BTBD7: variants seen among roughly 807,000 people sequenced by gnomAD.
BTBD7 encodes BTB/POZ domain-containing protein 7.
BTBD7 carries 38 observed loss-of-function variants against 99.9 expected under a neutral mutation model. The ratio of observed to expected loss-of-function variants is 0.38; its 90% CI spans 0.29 to 0.50. BTBD7 has a LOEUF of 0.50. BTBD7 is among the 20% of genes least tolerant of loss of function. BTBD7 has a pLI of 0.93. For synonymous variants in BTBD7, 520 were observed against 511.4 expected (o/e 1.02, Z -0.23); for missense variants, 1,170 against 1,394.6 (o/e 0.84, Z 2.57).
intron 6 of BTBD7, 59 bp from the exon 7 acceptor site, chr14:93,253,849 T>C: frequency 1.4e-6 from 1 of 712,550 alleles, no homozygotes. Context: ...ACTACTAAGA[T>C]AAATAAAAAT....
intron 1 of BTBD7, among the ~76,000 whole-genome samples, chr14:93,315,951 C>CTTT (rs35850952): frequency 8.0e-6 from 1 of 124,882 alleles, no homozygotes; most frequent in Non-Finnish European, 1.7e-5. Context: ...CAAAATGTAT[C>CTTT]TTTTTTTTTT....
At chr14:93,278,308 G>A (rs1334543558) in intron 3 of BTBD7, among the ~76,000 whole-genome samples, 2 of 152,172 alleles carry the variant, frequency 1.3e-5, no homozygotes, top group African/African-American at 4.8e-5. Context: ...CAGCTACTTG[G>A]GAAGCTGAGG....
chr14:93,263,483 T>C (rs1412618370), intron 4 of BTBD7, among the ~76,000 whole-genome samples: 2 of 152,228 alleles, frequency 1.3e-5, no homozygotes, highest in Admixed American at 6.5e-5. Flanking sequence ...GCTACATTAA[T>C]AGAAGTCAAG....
intron 3 of BTBD7, among the ~76,000 whole-genome samples, chr14:93,284,706 G>C (rs1418220123): frequency 6.6e-6 from 1 of 152,064 alleles, no homozygotes; most frequent in Admixed American, 6.6e-5. Context: ...AATAAAAAGT[G>C]TTTTAGAAAT....
At chr14:93,249,304 G>A (rs1338356591) in intron 8 of BTBD7, among the ~76,000 whole-genome samples, 1 of 133,006 alleles carries the variant, frequency 7.5e-6, no homozygotes, top group Non-Finnish European at 1.5e-5. Context: ...TGTCTCAGCA[G>A]AAGGACTGGG....
Position 93,242,495 on chromosome 14 carries a change from T to A in BTBD7, c.3177A>T (p.Ala1059=). The part of the protein sequence containing the change: ...TGPAHVRGRT[A]VETDLTFGLT... Reference sequence around the variant, plus strand: ...GCCCAAAAGTCAAGTCAGTTTCTACTGCAGTTCGTCCCCTGACATGGGCTG... The same window carrying A: ...GCCCAAAAGTCAAGTCAGTTTCTACAGCAGTTCGTCCCCTGACATGGGCTG... Residue 1059 remains alanine, a synonymous_variant, in exon 11 of 11, where the codon GCA becomes GCT. Transcript: ENST00000334746. 6.2e-7 allele frequency: 1 copy of A among 1,614,234 alleles called. No homozygotes were observed. The highest frequency in any genetic ancestry group is 1.3e-5 in the African/African-American group (1 of 75,070).
Position 93,242,858 on chromosome 14 carries a change from A to G in BTBD7, c.2814T>C (p.Asn938=). The change falls in exon 11 of 11, where the codon AAT becomes AAC. Residue 938 remains asparagine, a synonymous_variant. Coordinates refer to ENST00000334746, the MANE Select transcript of BTBD7 (RefSeq NM_001002860.4). ...TLEQKTDTRE[N]PQEYPDFYDF... ...CATAGAAATCCGGATATTCCTGTGG[A>G]TTTTCTCTGGTGTCTGTTTTTTGCT... 2 of 1,613,800 alleles carry G rather than the reference A, an allele frequency of 1.2e-6. No homozygotes were observed. The highest frequency in any genetic ancestry group is 2.2e-5 in the South Asian group (2 of 91,072).
intron 10 of BTBD7, 139 bp downstream of exon 10, chr14:93,245,686 C>T: frequency 7.0e-7 from 1 of 1,435,430 alleles, no homozygotes; most frequent in South Asian, 1.4e-5. Flanking sequence ...CTTTTCCATA[C>T]CCCTCAAGTC....
intron 10 of BTBD7, chr14:93,244,349 G>C (rs965998896): frequency 9.8e-6 from 2 of 203,150 alleles, no homozygotes; most frequent in South Asian, 6.9e-5. Flanking sequence ...TCACGGTAAA[G>C]ATAATAAAAT....
rs2052957504 is a variant in BTBD7, at chr14:93,298,625, C to G, written c.-106-2468G>C. On this transcript the variant is annotated intron_variant, in intron 1 of 10. Transcript: ENST00000334746. ...GAAACACTTCTGGTTCCAAGCATTT[C>G]AGATAAGGAATACTCAACGTGTATT... Among the ~76,000 whole-genome samples the G allele has an allele frequency of 3.9e-5, 6 of 151,904 alleles. No individual in the cohort carries two copies. The South Asian group carries it at 1.2e-3, about 32-fold the overall frequency.
chr14:93,316,286 G>C (rs2053205957), intron 1 of BTBD7, among the ~76,000 whole-genome samples: 2 of 149,228 alleles, frequency 1.3e-5, no homozygotes, highest in South Asian at 2.1e-4. Context: ...AAAAAATAGA[G>C]ACAGTCTCAC....
At chr14:93,272,189 G>A (rs2052608151) in intron 3 of BTBD7, among the ~76,000 whole-genome samples, 1 of 152,122 alleles carries the variant, frequency 6.6e-6, no homozygotes, top group Admixed American at 6.5e-5. Context: ...GGTTGAGGCA[G>A]GAGAATCGCT....
At chr14:93,329,682 T>C (rs568653849) in intron 1 of BTBD7, among the ~76,000 whole-genome samples, 1 of 152,334 alleles carries the variant, frequency 6.6e-6, no homozygotes, top group Non-Finnish European at 1.5e-5. Context: ...CTAAGTGAAA[T>C]AAGCCAGATA....
At chr14:93,315,691 G>A (rs550425813) in intron 1 of BTBD7, among the ~76,000 whole-genome samples, 1 of 152,168 alleles carries the variant, frequency 6.6e-6, no homozygotes, top group South Asian at 2.1e-4. Flanking sequence ...TTTCACTTTA[G>A]CATGATGTTT....
intron 3 of BTBD7, among the ~76,000 whole-genome samples, chr14:93,272,796 G>A (rs927389570): frequency 2.0e-5 from 3 of 152,146 alleles, no homozygotes. Flanking sequence ...CTTAGATGCT[G>A]TGACTCTGAG....
chr14:93,242,656 T>C lies in BTBD7; in HGVS notation c.3016A>G (p.Arg1006Gly). ...QTSPKKQEEA[R>G]REYPLSPDGH... ...TCAGGGGAAAGTGGATATTCTCTCC[T>C]AGCTTCTTCCTGTTTTTTAGGAGAC... Residue 1006 changes from arginine to glycine, a missense_variant, in exon 11 of 11, where the codon AGG becomes GGG. Physicochemically the swap from Arg to Gly is moderately radical, Grantham distance 125. Around this residue, in one of 4 missense-constraint regions of BTBD7, gnomAD observed 495 missense variants for 525.9 expected, o/e 0.94. Coordinates refer to ENST00000334746, the MANE Select transcript of BTBD7 (RefSeq NM_001002860.4). 6.2e-7 allele frequency: 1 copy of C among 1,614,178 alleles called. No homozygotes were observed.
intron 1 of BTBD7, among the ~76,000 whole-genome samples, chr14:93,301,619 T>C (rs751330334): frequency 6.6e-6 from 1 of 151,894 alleles, no homozygotes; most frequent in African/African-American, 2.4e-5. Flanking sequence ...GTGCCAGGAG[T>C]TCGAGGCTGC....
chr14:93,293,422 G>A (rs1490461429), intron 3 of BTBD7, among the ~76,000 whole-genome samples: 3 of 152,092 alleles, frequency 2.0e-5, no homozygotes, highest in Non-Finnish European at 4.4e-5. Flanking sequence ...AACTAAATTC[G>A]TATCTAAATG....
intron 1 of BTBD7, among the ~76,000 whole-genome samples, chr14:93,299,094 C>A (rs1335991400): frequency 6.6e-6 from 1 of 152,098 alleles, no homozygotes; most frequent in Non-Finnish European, 1.5e-5. Context: ...TAAACACAGA[C>A]CTTGGAAGGG....
Sources: allele counts gnomAD v4.1 joint callset (sites outside exome capture counted in the v4.1 genomes callset), GRCh38; gene constraint gnomAD v4.1.1; regional missense constraint gnomAD v4.1.1; transcripts MANE v1.5; gene names NCBI Gene and HGNC (gene_info 2026-07-23, HGNC 2026-07-21).